PHF24: variants seen among roughly 807,000 people sequenced by gnomAD.
PHF24 encodes PHD finger protein 24.
In PHF24, 25 loss-of-function variants were observed where a neutral mutation model predicts 42.6. The ratio of observed to expected loss-of-function variants is 0.59; its 90% CI spans 0.43 to 0.82. PHF24 has a LOEUF of 0.82. PHF24 is among the 40% of genes least tolerant of loss of function. PHF24 has a pLI of 0.00. For missense variants in PHF24, 470 were observed against 538.1 expected (o/e 0.87, Z 1.25); for synonymous variants, 185 against 204.8 (o/e 0.90, Z 0.83).
chr9:34,840,760 C>T, the PHF24 span, among the ~76,000 whole-genome samples: 1 of 151,976 alleles, frequency 6.6e-6, no homozygotes, highest in Non-Finnish European at 1.5e-5. Flanking sequence ...TTAATATTTT[C>T]CTTGATATGG....
the PHF24 span, chr9:34,728,773 A>T: frequency 1.1e-6 from 1 of 931,482 alleles, no homozygotes; most frequent in Admixed American, 2.2e-5. Context: ...TCTGTATTTT[A>T]TACACTCTCC....
At chr9:34,711,999 G>T in the PHF24 span, among the ~76,000 whole-genome samples, 3 of 151,992 alleles carry the variant, frequency 2.0e-5, no homozygotes, top group Admixed American at 6.6e-5. Flanking sequence ...TTGTGGGCAG[G>T]TCTACTATTA....
the PHF24 span, among the ~76,000 whole-genome samples, chr9:34,758,422 C>T: frequency 6.6e-6 from 1 of 152,046 alleles, no homozygotes; most frequent in Non-Finnish European, 1.5e-5. The surrounding 1 kb of genome is among the most constrained non-coding windows in gnomAD (Gnocchi z 4.4). Context: ...GTGGGTTTGC[C>T]CTAGGTGAAC....
At chr9:34,670,026 A>AT in the PHF24 span, among the ~76,000 whole-genome samples, 1 of 152,064 alleles carries the variant, frequency 6.6e-6, no homozygotes, top group African/African-American at 2.4e-5. Context: ...CTCAAAAAAA[A>AT]CTCTGGACAC....
chr9:34,803,389 C>T, the PHF24 span, among the ~76,000 whole-genome samples: 1 of 43,444 alleles, frequency 2.3e-5, no homozygotes, highest in Non-Finnish European at 5.3e-5. Context: ...TTGCTGAATT[C>T]TAAAAAGGAA....
chr9:34,688,931 C>T, the PHF24 span, among the ~76,000 whole-genome samples: 1 of 152,174 alleles, frequency 6.6e-6, no homozygotes, highest in Admixed American at 6.5e-5. Context: ...AAACCAGCAA[C>T]TATAAGTCAG....
the PHF24 span, among the ~76,000 whole-genome samples, chr9:34,816,076 T>TTTTTA: frequency 4.6e-5 from 7 of 151,676 alleles, no homozygotes; most frequent in Non-Finnish European, 8.8e-5. Flanking sequence ...GCTTTTTTAT[T>TTTTTA]TTTTATTTTA....
the PHF24 span, among the ~76,000 whole-genome samples, chr9:34,747,183 G>C: frequency 1.3e-5 from 2 of 152,154 alleles, no homozygotes; most frequent in African/African-American, 4.8e-5. Context: ...TGTGGGTTGG[G>C]GGGTGGGGGT....
chr9:34,789,311 A>C, the PHF24 span, among the ~76,000 whole-genome samples: 11 of 152,302 alleles, frequency 7.2e-5, no homozygotes, highest in East Asian at 1.9e-3. Context: ...TGACTCTCCA[A>C]ATATACTCTC....
chr9:34,872,027 A>G, the PHF24 span, among the ~76,000 whole-genome samples: 1 of 152,098 alleles, frequency 6.6e-6, no homozygotes, highest in Non-Finnish European at 1.5e-5. Context: ...ATATCTTTCC[A>G]TTTATTTAGT....
At chr9:34,680,840 T>G in the PHF24 span, 1 of 152,250 alleles carries the variant, frequency 6.6e-6, no homozygotes, top group Non-Finnish European at 1.5e-5. Context: ...GAAATGTGTC[T>G]ATTTTTCTGT....
chr9:34,823,062 G>A, the PHF24 span, among the ~76,000 whole-genome samples: 2 of 151,556 alleles, frequency 1.3e-5, no homozygotes, highest in Non-Finnish European at 2.9e-5. Flanking sequence ...CGGGCGCGGT[G>A]GCGGGCGCCT....
chr9:34,709,584 G>A, the PHF24 span: 1 of 1,614,170 alleles, frequency 6.2e-7, no homozygotes, highest in Non-Finnish European at 8.5e-7. Flanking sequence ...TGGTTTCTGT[G>A]GGGATGGTGT....
At chr9:34,688,712 G>C in the PHF24 span, among the ~76,000 whole-genome samples, 1 of 152,210 alleles carries the variant, frequency 6.6e-6, no homozygotes, top group Non-Finnish European at 1.5e-5. Flanking sequence ...AGAGAGGAAG[G>C]CTGGCCTGGA....
At chr9:34,838,497 C>G in the PHF24 span, 93 of 1,340,592 alleles carry the variant, frequency 6.9e-5, no homozygotes, top group Non-Finnish European at 9.4e-5. Context: ...TCAACATGGT[C>G]TAAACCTCAT....
chr9:34,812,375 C>T, the PHF24 span, among the ~76,000 whole-genome samples: 13 of 152,298 alleles, frequency 8.5e-5, no homozygotes, highest in African/African-American at 3.1e-4. Context: ...CTGTGGAAAA[C>T]ATTTCGTGGT....
chr9:34,708,614 G>C, the PHF24 span, among the ~76,000 whole-genome samples: 1 of 152,204 alleles, frequency 6.6e-6, no homozygotes, highest in East Asian at 1.9e-4. Flanking sequence ...AGAACCACTT[G>C]GAGGGTCTCA....
intron 1 of PHF24, among the ~76,000 whole-genome samples, chr9:34,969,226 C>T (rs1002979645): frequency 1.3e-5 from 2 of 152,224 alleles, no homozygotes; most frequent in Admixed American, 1.3e-4. Context: ...CAGGGGATAA[C>T]TCGACACCTG....
the PHF24 span, among the ~76,000 whole-genome samples, chr9:34,825,731 T>G: frequency 7.9e-5 from 12 of 152,146 alleles, no homozygotes; most frequent in Non-Finnish European, 1.5e-4. Context: ...TTGTGCTTAC[T>G]CTGAACTCTT....
Sources: gnomAD v4.1 joint callset for allele counts (sites outside exome capture counted in the v4.1 genomes callset) on GRCh38, gnomAD v4.1.1 for gene constraint, Gnocchi (gnomAD v3.1) non-coding constraint, MANE v1.5 for transcripts, NCBI Gene and HGNC (gene_info 2026-07-23, HGNC 2026-07-21) for gene names.